Variants in COL4A2 observed in about 807,000 individuals in gnomAD.
COL4A2 encodes collagen type IV alpha 2 chain, also known as collagen alpha-2(IV) chain.
In COL4A2, 99 loss-of-function variants were observed where a neutral mutation model predicts 200.2. The observed-to-expected ratio is 0.49, with a 90% confidence interval of 0.42 to 0.58. The LOEUF (loss-of-function observed/expected upper bound fraction) is 0.58, where lower values mean the gene tolerates loss of function less well. COL4A2 is among the 20% of genes least tolerant of loss of function. The pLI is 0.00. For synonymous variants in COL4A2, 897 were observed against 900.6 expected, an observed-to-expected ratio of 1.00 and a Z score of 0.07; for missense variants, 1,950 against 2,314.1, an observed-to-expected ratio of 0.84 and a Z score of 3.23.
At chr13:110,322,707 C>T (rs1885307865) in intron 3 of COL4A2, among the ~76,000 whole-genome samples, 1 of 152,220 alleles carries the variant, frequency 6.6e-6, no homozygotes, top group Non-Finnish European at 1.5e-5. Flanking sequence ...ATGTCCACCT[C>T]TGGTCACTGC....
At chr13:110,480,013 C>T (rs200450648) in intron 30 of COL4A2, among the ~76,000 whole-genome samples, 6 of 50,000 alleles carry the variant, frequency 1.2e-4, no homozygotes, top group Admixed American at 2.6e-4. Context: ...CCAGCACAGC[C>T]TCAACCTCCA....
At chr13:110,337,905 T>A (rs2139368494) in intron 3 of COL4A2, among the ~76,000 whole-genome samples, 1 of 152,380 alleles carries the variant, frequency 6.6e-6, no homozygotes, top group East Asian at 1.9e-4. Flanking sequence ...ATATATTCAC[T>A]AAATGAACAT....
At chr13:110,490,544 ACCGCCGCTGGGAAATAGGCG>A (rs1320200855) in intron 36 of COL4A2, among the ~76,000 whole-genome samples, 1 of 152,032 alleles carries the variant, frequency 6.6e-6, no homozygotes, top group African/African-American at 2.4e-5. Context: ...GGATCAGAGA[ACCGCCGCTGGGAAATAGGCG>A]CCTCTGTTTA....
In COL4A2 at chr13:110,432,369, G is replaced by A. The variant is rs1204242599; in HGVS notation, c.684+9G>A. 3 of 1,605,258 alleles carry A rather than the reference G, an allele frequency of 1.9e-6. No homozygotes were observed. The highest frequency in any genetic ancestry group is 2.7e-5 in the African/African-American group (2 of 74,414). On this transcript the variant is annotated intron_variant, in intron 11 of 47. Coordinates refer to ENST00000360467, the MANE Select transcript of COL4A2 (RefSeq NM_001846.4). ...GACCAAAAGGACAGCAAGTAAGTTGGTTTTGGGGGGTGAGGATGAGGGAAG... is the reference window on the plus strand; with the variant it reads ...GACCAAAAGGACAGCAAGTAAGTTGATTTTGGGGGGTGAGGATGAGGGAAG...
intron 22 of COL4A2, chr13:110,459,265 C>T (rs1428468700): frequency 1.7e-5 from 4 of 240,230 alleles, no homozygotes; most frequent in South Asian, 2.3e-4. Flanking sequence ...CACACATACA[C>T]CAATGTTCAC....
At chr13:110,368,802 T>C (rs1877866616) in intron 4 of COL4A2, among the ~76,000 whole-genome samples, 1 of 139,662 alleles carries the variant, frequency 7.2e-6, no homozygotes, top group Admixed American at 7.7e-5. Flanking sequence ...TAATTTGTTA[T>C]ATTTAAGCTA....
chr13:110,483,633 G>A (rs921345911), intron 32 of COL4A2, among the ~76,000 whole-genome samples: 2 of 150,394 alleles, frequency 1.3e-5, no homozygotes, highest in Non-Finnish European at 2.9e-5. Context: ...TCGTCTGACT[G>A]CATGTATATG....
chr13:110,356,922 C>T (rs1159632385), intron 3 of COL4A2, among the ~76,000 whole-genome samples: 9 of 152,082 alleles, frequency 5.9e-5, no homozygotes, highest in South Asian at 2.1e-4. Flanking sequence ...CCTGCCACCA[C>T]GCCTGGCTAA....
At chr13:110,391,581 GC>G (rs1342826487) in intron 4 of COL4A2, among the ~76,000 whole-genome samples, 2 of 152,342 alleles carry the variant, frequency 1.3e-5, no homozygotes, top group East Asian at 3.9e-4. Context: ...TCAGAGCCCG[GC>G]AGATCTTCCT....
At chr13:110,410,780 C>T (rs1042182037) in intron 4 of COL4A2, among the ~76,000 whole-genome samples, 18 of 151,998 alleles carry the variant, frequency 1.2e-4, no homozygotes, top group African/African-American at 4.4e-4. Context: ...TTCCATTTCC[C>T]AAATAAAGAA....
chr13:110,495,521 C>T, intron 40 of COL4A2, 54 bp downstream of exon 40: 1 of 1,584,682 alleles, frequency 6.3e-7, no homozygotes, highest in Non-Finnish European at 8.6e-7. Flanking sequence ...AGAACCCACC[C>T]AGAGGTGGGG....
chr13:110,311,762 A>G (rs1268264423), intron 3 of COL4A2, among the ~76,000 whole-genome samples: 1 of 152,142 alleles, frequency 6.6e-6, no homozygotes, highest in East Asian at 1.9e-4. Context: ...GGGATCAAAT[A>G]TGCAGCCGGC....
chr13:110,505,870 C>T (rs1197785441), intron 45 of COL4A2, among the ~76,000 whole-genome samples: 3 of 152,168 alleles, frequency 2.0e-5, no homozygotes, highest in Non-Finnish European at 1.5e-5. Context: ...GCACGTTGGG[C>T]ACATCCTGAG....
chr13:110,444,803 T>G (rs927934925), intron 16 of COL4A2, among the ~76,000 whole-genome samples: 1 of 152,248 alleles, frequency 6.6e-6, no homozygotes, highest in African/African-American at 2.4e-5. Flanking sequence ...GATAAACTTT[T>G]TCTTTCAAAA....
chr13:110,338,434 TGG>T lies in COL4A2; in HGVS notation c.100-19030_100-19029del, dbSNP rs11335478. Reference sequence around the variant, plus strand: ...GAAAAGACACAGAAAATGTTGTGTGTGGGGGGGGGTGGGGGTAAAATGCTCCC... The same window carrying T: ...GAAAAGACACAGAAAATGTTGTGTGTGGGGGGGTGGGGGTAAAATGCTCCC... On this transcript the variant is annotated intron_variant, in intron 3 of 47. Transcript: ENST00000360467. 7.1e-5 allele frequency among the ~76,000 whole-genome samples: 9 copies of T among 127,358 alleles called. No individual in the cohort carries two copies. In the South Asian group the frequency reaches 1.2e-3, roughly 16 times the overall value. 83.6% of individuals were successfully genotyped at this position (127,358 alleles called of 152,430 possible).
chr13:110,414,036 G>A (rs1410412439), intron 4 of COL4A2, among the ~76,000 whole-genome samples: 1 of 150,092 alleles, frequency 6.7e-6, no homozygotes, highest in Non-Finnish European at 1.5e-5. Flanking sequence ...TCCTGACTGG[G>A]CAGTGGCTCA....
In COL4A2 at chr13:110,440,273, C is replaced by T. The variant is rs181993642; in HGVS notation, c.957+440C>T. ...ATGAGTTCTGTGGACAGATTTTTGG[C>T]TTTTTTTTAGGAGAAAAATGTTATG... On this transcript the variant is annotated intron_variant, in intron 16 of 47. Coordinates refer to ENST00000360467, the MANE Select transcript of COL4A2 (RefSeq NM_001846.4). Among the ~76,000 whole-genome samples the T allele has an allele frequency of 2.0e-3, 301 of 151,896 alleles. 1 individual carries two copies. Among genetic ancestry groups the T allele is most frequent in the African/African-American group, 6.4e-3 (265 of 41,418 alleles).
At chr13:110,389,070 T>C (rs755493800) in intron 4 of COL4A2, among the ~76,000 whole-genome samples, 13 of 152,206 alleles carry the variant, frequency 8.5e-5, no homozygotes, top group Non-Finnish European at 1.5e-4. Flanking sequence ...TTGTGTCTGA[T>C]GTCTTTGGTT....
chr13:110,395,472 C>G (rs1437333744), intron 4 of COL4A2, among the ~76,000 whole-genome samples: 3 of 152,190 alleles, frequency 2.0e-5, no homozygotes, highest in African/African-American at 7.2e-5. Flanking sequence ...CTGTGTCTCT[C>G]TCTCCACTCC....
Sources: gnomAD v4.1 joint callset for allele counts (sites outside exome capture counted in the v4.1 genomes callset) on GRCh38, gnomAD v4.1.1 for gene constraint, MANE v1.5 for transcripts, NCBI Gene and HGNC (gene_info 2026-07-23, HGNC 2026-07-21) for gene names.